The following ZZEF1 variants were observed in gnomAD, a reference collection of about 807,000 sequenced individuals.
The protein encoded by ZZEF1 is zinc finger ZZ-type and EF-hand domain-containing protein 1.
A neutral mutation model predicts 342.8 loss-of-function variants in ZZEF1; 157 were observed. That is an observed-to-expected ratio of 0.46 (90% CI 0.40 to 0.52). ZZEF1 has a LOEUF of 0.52. Ranked by LOEUF, ZZEF1 falls within the 20% of genes least tolerant of loss-of-function variation. The pLI is 0.00. For synonymous variants in ZZEF1, 1,505 were observed against 1,429.1 expected (o/e 1.05, Z -1.20); for missense variants, 3,480 against 3,725.6 (o/e 0.93, Z 1.72).
Position 4,017,141 on chromosome 17 carries a change from G to A in ZZEF1, c.8001+230C>T, listed in dbSNP as rs2056126283. 3.6e-6 allele frequency: 2 copies of A among 550,026 alleles called. No homozygotes were observed. Among genetic ancestry groups the A allele is most frequent in the South Asian group, 2.7e-5 (1 of 37,066 alleles). 34.1% of individuals were successfully genotyped at this position (550,026 alleles called of 1,614,324 possible). ...TTCTGCACTTGGAAACTGGGAAGAT[G>A]GCGACAAAGCTTTCTGGTTCAGCTG... On this transcript the variant is annotated intron_variant, in intron 48 of 54. Coordinates refer to ENST00000381638, the MANE Select transcript of ZZEF1 (RefSeq NM_015113.4). The surrounding 1 kb of genome is among the most constrained non-coding windows in gnomAD (Gnocchi z 5.1).
chr17:4,075,516 C>A, intron 21 of ZZEF1, 87 bp from the exon 22 acceptor site: 1 of 1,479,824 alleles, frequency 6.8e-7, no homozygotes, highest in African/African-American at 1.4e-5. Context: ...TATCAGTGCT[C>A]CAGGCAGATG....
intron 9 of ZZEF1, among the ~76,000 whole-genome samples, chr17:4,097,690 T>C (rs2058061032): frequency 6.6e-6 from 1 of 152,104 alleles, no homozygotes; most frequent in Non-Finnish European, 1.5e-5. Context: ...ACCAACATTC[T>C]ATCTATTTGT....
At chr17:4,009,255 T>G (rs2144914224) in intron 53 of ZZEF1, 2 of 558,616 alleles carry the variant, frequency 3.6e-6, no homozygotes, top group East Asian at 6.1e-5. Context: ...CCCTTTCAGC[T>G]CCCACATTCA....
rs771947587 is a variant in ZZEF1 at position 4,117,179 on chromosome 17, A to G, written c.500-13T>C. The G allele has an allele frequency of 6.3e-7, 1 of 1,596,238 alleles. No individual in the cohort carries two copies. Among genetic ancestry groups the G allele is most frequent in the Admixed American group, 1.7e-5 (1 of 59,024 alleles). ...ATGTCTGTGAAACCTAAACAGATGA[A>G]ATCCATTTTTGGTGTTTTGGGGAAG... is the stretch of plus-strand genomic sequence containing the variant. On this transcript the variant is annotated splice_polypyrimidine_tract_variant and intron_variant, in intron 2 of 54. Transcript: ENST00000381638.
Position 4,025,282 on chromosome 17 carries a change from A to G in ZZEF1, c.6893-164T>C, listed in dbSNP as rs1255448593. On this transcript the variant is annotated intron_variant, in intron 42 of 54. Transcript: ENST00000381638. ...ATAAAGCCAGCTTGCAGGTAAACAC[A>G]AAAATAGTAATGGCTACCTATCCAT... 6.6e-5 allele frequency among the ~76,000 whole-genome samples: 10 copies of G among 152,376 alleles called. No homozygotes were observed. The East Asian group carries it at 1.9e-3, about 29-fold the overall frequency.
At chr17:4,080,449 C>G (rs1203827161) in intron 18 of ZZEF1, among the ~76,000 whole-genome samples, 6 of 152,170 alleles carry the variant, frequency 3.9e-5, no homozygotes. Flanking sequence ...AAGCGATTCT[C>G]CTGCCTCAGC....
At chr17:4,141,343 G>A (rs1452523611) in intron 1 of ZZEF1, among the ~76,000 whole-genome samples, 2 of 152,188 alleles carry the variant, frequency 1.3e-5, no homozygotes, top group Admixed American at 1.3e-4. Flanking sequence ...TGATTTTAAG[G>A]TGAACAGAAC....
chr17:4,017,580 T>G lies in ZZEF1; in HGVS notation c.7792A>C (p.Lys2598Gln). The change falls in exon 48 of 55, where the codon AAG (lysine) becomes CAG (glutamine). Residue 2598 changes from lysine to glutamine, a missense_variant. Physicochemically the swap from Lys to Gln is moderately conservative, Grantham distance 53. This residue lies in a region of ZZEF1 where 1,269 missense variants were observed against 1,342.4 expected (regional missense o/e 0.95). Coordinates refer to ENST00000381638, the MANE Select transcript of ZZEF1 (RefSeq NM_015113.4). This position sits in a 1 kb window ranked among gnomAD's most constrained non-coding sequence, Gnocchi z 5.1. The part of the protein sequence containing the change: ...AALLHKELNC[K>Q]SKRAVRDYLF... The stretch of plus-strand genomic sequence containing the variant: ...TAGTCCCGGACAGCCCTCTTACTCT[T>G]GCAGTTCAGCTCCTTGTGCAGGAGG... 1 of 1,614,242 alleles carries G rather than the reference T, an allele frequency of 6.2e-7. No individual in the cohort carries two copies.
chr17:4,070,609 G>A, intron 26 of ZZEF1, 75 bp downstream of exon 26: 8 of 1,464,976 alleles, frequency 5.5e-6, no homozygotes, highest in South Asian at 1.3e-5. Flanking sequence ...TATTTTAAAT[G>A]TTCACTTAAG....
chr17:4,070,868 T>C lies in ZZEF1; in HGVS notation c.3891A>G (p.Ser1297=). ...GCCCACAGAAGTTCTGAGCAGGCTCTGACTGGGCAAAATCAAGAAGAAAAT... is the reference window on the plus strand; with the variant it reads ...GCCCACAGAAGTTCTGAGCAGGCTCCGACTGGGCAAAATCAAGAAGAAAAT... ...CRHFLLDFAQ[S]EPAQNFCGPY... is the part of the protein sequence containing the mutation. Residue 1297 remains serine (S), a synonymous_variant, in exon 26 of 55, where the codon TCA becomes TCG. Coordinates refer to ENST00000381638, the MANE Select transcript of ZZEF1 (RefSeq NM_015113.4). 1 of 1,614,168 alleles carries C rather than the reference T, an allele frequency of 6.2e-7. No homozygotes were observed.
chr17:4,038,329 A>G (rs2056721944), intron 39 of ZZEF1, among the ~76,000 whole-genome samples: 1 of 152,252 alleles, frequency 6.6e-6, no homozygotes, highest in Admixed American at 6.5e-5. Flanking sequence ...AAAGCCACAG[A>G]CAGGTGTGCT....
At chr17:4,078,122 C>T (rs531402211) in intron 18 of ZZEF1, 80 bp from the exon 19 acceptor site, 2 of 1,398,522 alleles carry the variant, frequency 1.4e-6, no homozygotes, top group Admixed American at 2.3e-5. Flanking sequence ...TCTAAAGCAG[C>T]AGCTGTCACC....
At chr17:4,127,008 A>ATTT (rs113010631) in intron 1 of ZZEF1, among the ~76,000 whole-genome samples, 3 of 142,692 alleles carry the variant, frequency 2.1e-5, no homozygotes, top group African/African-American at 2.6e-5. Flanking sequence ...AACTGACTGG[A>ATTT]TTTTTTTTTT....
chr17:4,077,302 C>T (rs1333483001), intron 19 of ZZEF1, among the ~76,000 whole-genome samples: 1 of 152,158 alleles, frequency 6.6e-6, no homozygotes, highest in Non-Finnish European at 1.5e-5. Flanking sequence ...TTACAATGAG[C>T]CCGTGCATTA....
intron 34 of ZZEF1, 92 bp from the exon 35 acceptor site, chr17:4,052,228 G>A (rs758810941): frequency 1.1e-5 from 14 of 1,272,880 alleles, no homozygotes; most frequent in African/African-American, 6.0e-5. Flanking sequence ...CACCAGGGCC[G>A]TTCCCAAGTG....
chr17:4,098,054 A>G (rs1232475740), intron 9 of ZZEF1, among the ~76,000 whole-genome samples: 2 of 151,924 alleles, frequency 1.3e-5, no homozygotes, highest in African/African-American at 4.8e-5. Flanking sequence ...CCTGGCCAAC[A>G]TGGTGAAAAC....
intron 39 of ZZEF1, among the ~76,000 whole-genome samples, chr17:4,039,002 T>A (rs991624894): frequency 7.2e-5 from 11 of 151,742 alleles, no homozygotes; most frequent in Admixed American, 6.6e-5. Flanking sequence ...GTTTTTACAC[T>A]AAAATCAAAC....
chr17:4,030,022 C>A, intron 42 of ZZEF1, among the ~76,000 whole-genome samples: 2 of 127,808 alleles, frequency 1.6e-5, no homozygotes. Context: ...ATGCTGAGAT[C>A]CTATTAAAAA....
In ZZEF1 at chr17:4,141,989, T is replaced by A. The variant is rs193123494; in HGVS notation, c.354+553A>T. On this transcript the variant is annotated intron_variant, in intron 1 of 54. Transcript: ENST00000381638. ...CTATCAGTTTCGGATCCTATGAAGG[T>A]TTAAATGAGTCTAATATATGGTTCT... 7.2e-5 allele frequency among the ~76,000 whole-genome samples: 11 copies of A among 152,304 alleles called. No homozygotes were observed. The East Asian group carries it at 1.9e-3, about 27-fold the overall frequency.
Sources: gnomAD v4.1 joint callset for allele counts (sites outside exome capture counted in the v4.1 genomes callset) on GRCh38, gnomAD v4.1.1 for gene constraint, gnomAD v4.1.1 regional missense constraint, Gnocchi (gnomAD v3.1) non-coding constraint, MANE v1.5 for transcripts, NCBI Gene and HGNC (gene_info 2026-07-23, HGNC 2026-07-21) for gene names.